The following ACOXL variants were observed in gnomAD, a reference collection of about 807,000 sequenced individuals.
ACOXL encodes the protein acyl-CoA oxidase like, also known as acyl-coenzyme A oxidase-like protein.
Under a neutral mutation model 71.9 loss-of-function variants are expected in ACOXL, and 70 were observed. That is an observed-to-expected ratio of 0.97 (90% CI 0.80 to 1.19). The LOEUF (loss-of-function observed/expected upper bound fraction) is 1.19. ACOXL is among the 50% of genes most tolerant of loss of function. ACOXL has a pLI of 0.00. For synonymous variants in ACOXL, 253 were observed against 281.6 expected, an observed-to-expected ratio of 0.90 and a Z score of 1.02; for missense variants, 703 against 736.3, an observed-to-expected ratio of 0.95 and a Z score of 0.52.
chr2:110,869,628 C>T (rs992044028), intron 10 of ACOXL, among the ~76,000 whole-genome samples: 1 of 152,224 alleles, frequency 6.6e-6, no homozygotes, highest in Non-Finnish European at 1.5e-5. Flanking sequence ...TCCCTGCAAG[C>T]CCTGTGCTTG....
At chr2:111,022,593 A>G (rs533028886) in intron 14 of ACOXL, among the ~76,000 whole-genome samples, 4 of 152,210 alleles carry the variant, frequency 2.6e-5, no homozygotes, top group Admixed American at 1.3e-4. Flanking sequence ...AAGGCAAGCA[A>G]TGGCATCTGG....
At position 110,810,560 on chromosome 2, in the gene ACOXL, A is replaced by G. The variant is rs149594230; in HGVS notation, c.753+5165A>G. On this transcript the variant is annotated intron_variant, in intron 9 of 17. Transcript: ENST00000439055. Reference sequence around the variant, plus strand: ...TCCATCATCCATTCATCATTCATCCATCATCTGTTCATCCATCCATCATTC... The same window carrying G: ...TCCATCATCCATTCATCATTCATCCGTCATCTGTTCATCCATCCATCATTC... Among the ~76,000 whole-genome samples the G allele has an allele frequency of 3.9e-4, 59 of 151,682 alleles. 2 individuals carry two copies. In the East Asian group the frequency reaches 0.011, roughly 29 times the overall value.
At chr2:110,847,014 G>A (rs1691986274) in intron 10 of ACOXL, among the ~76,000 whole-genome samples, 1 of 152,126 alleles carries the variant, frequency 6.6e-6, no homozygotes, top group African/African-American at 2.4e-5. Context: ...TTTTCACAGA[G>A]TGGAAAATTG....
At chr2:110,940,339 A>G (rs532082018) in intron 12 of ACOXL, among the ~76,000 whole-genome samples, 2 of 152,304 alleles carry the variant, frequency 1.3e-5, no homozygotes, top group African/African-American at 4.8e-5. Context: ...TGATCAAAAG[A>G]AGCTGGAGTT....
intron 9 of ACOXL, among the ~76,000 whole-genome samples, chr2:110,822,620 T>A (rs1036690584): frequency 1.3e-5 from 2 of 152,226 alleles, no homozygotes; most frequent in African/African-American, 4.8e-5. Flanking sequence ...TATGTTCTTT[T>A]ATCACAGTCT....
At chr2:110,875,104 G>A (rs1695745364) in intron 10 of ACOXL, among the ~76,000 whole-genome samples, 1 of 152,186 alleles carries the variant, frequency 6.6e-6, no homozygotes, top group Non-Finnish European at 1.5e-5. Context: ...TCCCTTGTCT[G>A]CACGCAGGCC....
At chr2:110,926,112 G>T (rs904358872) in intron 11 of ACOXL, among the ~76,000 whole-genome samples, 2 of 152,036 alleles carry the variant, frequency 1.3e-5, no homozygotes, top group East Asian at 3.9e-4. Context: ...GCCCCAAAAC[G>T]ATTACAATAG....
At chr2:110,892,204 A>G (rs2149151811) in intron 10 of ACOXL, among the ~76,000 whole-genome samples, 1 of 152,294 alleles carries the variant, frequency 6.6e-6, no homozygotes, top group South Asian at 2.1e-4. Context: ...GCTTATCATA[A>G]CCCAGATGAT....
rs188412569 is a variant in ACOXL, at chr2:110,769,956, G to C, written c.75+1492G>C. On this transcript the variant is annotated intron_variant, in intron 2 of 17. Transcript: ENST00000439055. ...CTTGGGACGCTGAGGTGGGAGGATCGTTTGAGGCTCCAGAGGTCGAGGCTG... is the reference window on the plus strand; with the variant it reads ...CTTGGGACGCTGAGGTGGGAGGATCCTTTGAGGCTCCAGAGGTCGAGGCTG... Among the ~76,000 whole-genome samples the C allele has an allele frequency of 1.1e-4, 17 of 151,958 alleles. No homozygotes were observed. In the East Asian group the frequency reaches 2.9e-3, roughly 26 times the overall value.
intron 12 of ACOXL, among the ~76,000 whole-genome samples, chr2:110,982,685 C>A (rs1020168641): frequency 6.6e-6 from 1 of 152,126 alleles, no homozygotes; most frequent in South Asian, 2.1e-4. Context: ...TATAGGATGC[C>A]CAGCTACATT....
intron 2 of ACOXL, among the ~76,000 whole-genome samples, chr2:110,768,912 G>A (rs1013948810): frequency 4.6e-5 from 7 of 151,876 alleles, no homozygotes; most frequent in African/African-American, 1.7e-4. Context: ...GACAGGTCTC[G>A]GTGGAGGAGA....
intron 16 of ACOXL, among the ~76,000 whole-genome samples, chr2:111,066,260 A>G (rs1178766288): frequency 1.3e-5 from 2 of 152,224 alleles, no homozygotes; most frequent in Non-Finnish European, 2.9e-5. Flanking sequence ...AATTTTGCTG[A>G]GTGGAAGAAA....
At chr2:110,963,697 ATGT>A (rs1197789783) in intron 12 of ACOXL, 3 of 1,613,848 alleles carry the variant, frequency 1.9e-6, no homozygotes, top group African/African-American at 2.7e-5. Flanking sequence ...GAAGGTGACG[ATGT>A]TGTTATGCTT....
intron 12 of ACOXL, among the ~76,000 whole-genome samples, chr2:110,951,783 T>A (rs1359183738): frequency 6.6e-6 from 1 of 152,238 alleles, no homozygotes; most frequent in Non-Finnish European, 1.5e-5. Context: ...GAATTTACAT[T>A]AACAGATTTT....
At chr2:110,993,899 T>C (rs2063284548) in intron 13 of ACOXL, among the ~76,000 whole-genome samples, 2 of 152,378 alleles carry the variant, frequency 1.3e-5, no homozygotes, top group South Asian at 2.1e-4. Context: ...TTTAATTTAA[T>C]TTAAACTTTA....
intron 16 of ACOXL, among the ~76,000 whole-genome samples, chr2:111,084,740 T>C (rs539848497): frequency 6.6e-6 from 1 of 151,942 alleles, no homozygotes; most frequent in African/African-American, 2.4e-5. Context: ...TAAATGTAAA[T>C]GGACTAAATG....
At chr2:110,921,835 ATTAG>A (rs1254846214) in intron 11 of ACOXL, among the ~76,000 whole-genome samples, 1 of 152,176 alleles carries the variant, frequency 6.6e-6, no homozygotes, top group Non-Finnish European at 1.5e-5. Flanking sequence ...TGCAATTTCA[ATTAG>A]TTAAAAATAG....
chr2:111,017,467 G>A (rs190569969), intron 14 of ACOXL, among the ~76,000 whole-genome samples: 38 of 152,364 alleles, frequency 2.5e-4, no homozygotes, highest in African/African-American at 6.3e-4. Flanking sequence ...AGCACAGTAG[G>A]GTGGGGACAT....
intron 12 of ACOXL, among the ~76,000 whole-genome samples, chr2:110,976,170 A>C (rs1025485543): frequency 1.3e-5 from 2 of 152,228 alleles, no homozygotes; most frequent in African/African-American, 4.8e-5. Flanking sequence ...AAAACGTGGG[A>C]TTATTTACCA....
Sources: gnomAD v4.1 joint callset for allele counts (sites outside exome capture counted in the v4.1 genomes callset) on GRCh38, gnomAD v4.1.1 for gene constraint, MANE v1.5 for transcripts, NCBI Gene and HGNC (gene_info 2026-07-23, HGNC 2026-07-21) for gene names.